The following PRSS55 variants were observed in gnomAD, a reference collection of about 807,000 sequenced individuals.
PRSS55 encodes probable serine protease UNQ9391/PRO34284.
Under a neutral mutation model 23.6 loss-of-function variants are expected in PRSS55, and 41 were observed. The observed-to-expected ratio is 1.74, with a 90% confidence interval of 1.35 to 2.26. The LOEUF is 2.26. Ranked by LOEUF, PRSS55 falls within the 30% of genes most tolerant of loss-of-function variation. PRSS55 has a pLI of 0.00. For synonymous variants in PRSS55, 262 were observed against 175.5 expected (o/e 1.49, Z -3.90); for missense variants, 669 against 439.1 (o/e 1.52, Z -4.68).
At chr8:10,525,864 C>A in intron 1 of PRSS55, 125 bp downstream of exon 1, 1 of 1,040,782 alleles carries the variant, frequency 9.6e-7, no homozygotes, top group Non-Finnish European at 1.4e-6. Flanking sequence ...TTCTCCAAAC[C>A]ACTTGTCCTT....
At chr8:10,535,386 T>G (rs34682111) in intron 4 of PRSS55, among the ~76,000 whole-genome samples, 20,271 of 152,106 alleles carry the variant, frequency 0.13, 1,679 homozygotes, top group Middle Eastern at 0.24. Flanking sequence ...ACCAATGAAA[T>G]AGGTTAGAGA....
At chr8:10,526,426 C>T (rs1373775734) in intron 1 of PRSS55, among the ~76,000 whole-genome samples, 1 of 152,236 alleles carries the variant, frequency 6.6e-6, no homozygotes, top group East Asian at 1.9e-4. Context: ...CACACCACTT[C>T]TTGCCCAGAA....
At chr8:10,545,241 A>C (rs940493469) in intron 4 of PRSS55, 4 of 148,160 alleles carry the variant, frequency 2.7e-5, no homozygotes, top group Non-Finnish European at 5.9e-5. Context: ...TCTATCACCC[A>C]GGCTGGAGGG....
chr8:10,550,175 G>A (rs1007214501), intron 4 of PRSS55, among the ~76,000 whole-genome samples: 9 of 152,126 alleles, frequency 5.9e-5, no homozygotes, highest in Admixed American at 1.3e-4. Flanking sequence ...CACCCACCTC[G>A]GCTTCCCAAA....
exon 5 of PRSS55, chr8:10,554,024 C>G: frequency 1.3e-6 from 2 of 1,526,026 alleles, no homozygotes; most frequent in East Asian, 4.9e-5. Context: ...CTTTCATCTG[C>G]AAAACTGATG....
chr8:10,531,595 G>A, intron 3 of PRSS55, 50 bp downstream of exon 3: 2 of 1,599,274 alleles, frequency 1.3e-6, no homozygotes, highest in Non-Finnish European at 8.5e-7. Flanking sequence ...GCAATGTGAA[G>A]GAGAGGGGAG....
At chr8:10,545,433 C>G (rs1467700461) in intron 4 of PRSS55, among the ~76,000 whole-genome samples, 1 of 152,148 alleles carries the variant, frequency 6.6e-6, no homozygotes, top group Non-Finnish European at 1.5e-5. Flanking sequence ...TACAGTCAAC[C>G]ACATAACCCA....
In PRSS55 at chr8:10,538,690, C is replaced by G; in HGVS notation, c.956C>G (p.Pro319Arg). 1 of 1,614,196 alleles carries G rather than the reference C, an allele frequency of 6.2e-7. No homozygotes were observed. Among genetic ancestry groups the G allele is most frequent in the Non-Finnish European group, 8.5e-7 (1 of 1,180,016 alleles). ...AGGAGGACTTCTGTCAAACAGAAAC[C>G]TATGGGCTCCCCAGTCTCGGGAGTC... ...EKRRTSVKQK[P>R]MGSPVSGVPE... Residue 319 changes from proline to arginine, a missense_variant, in exon 5 of 5, where the codon CCT (proline) becomes CGT (arginine). Pro to Arg is a moderately radical substitution (Grantham distance 103). Coordinates refer to ENST00000328655, the MANE Select transcript of PRSS55 (RefSeq NM_198464.4).
chr8:10,537,988 A>G (rs552817352), intron 4 of PRSS55, among the ~76,000 whole-genome samples: 118 of 152,296 alleles, frequency 7.7e-4, no homozygotes, highest in African/African-American at 2.7e-3. Context: ...AGGGTCACAC[A>G]TTCTGAAAAG....
chr8:10,542,419 G>GGAAGAA (rs60800512), downstream of PRSS55, among the ~76,000 whole-genome samples: 41 of 133,526 alleles, frequency 3.1e-4, no homozygotes, highest in East Asian at 1.5e-3. Context: ...CCATGCGGGG[G>GGAAGAA]AAAAAAAAAA....
Position 10,525,752 on chromosome 8 carries a change from G to T in PRSS55, c.154+13G>T, listed in dbSNP as rs1007426354. 6.3e-7 allele frequency: 1 copy of T among 1,583,290 alleles called. No individual in the cohort carries two copies. The highest frequency in any genetic ancestry group is 1.8e-5 in the Admixed American group (1 of 55,804). On this transcript the variant is annotated intron_variant, in intron 1 of 4. Coordinates refer to ENST00000328655, the MANE Select transcript of PRSS55 (RefSeq NM_198464.4). ...AGCCCAGTCAGTGGTGAGTACAGGG[G>T]CAGAAGGGGCATGGATGGGGGCTCA...
chr8:10,533,601 T>C (rs866857505), intron 4 of PRSS55, among the ~76,000 whole-genome samples: 2 of 152,202 alleles, frequency 1.3e-5, no homozygotes, highest in East Asian at 1.9e-4. Flanking sequence ...TAAAAAATTA[T>C]TGATAGCCAG....
chr8:10,543,476 C>CTT (rs57429225), downstream of PRSS55, among the ~76,000 whole-genome samples: 56 of 28,208 alleles, frequency 2.0e-3, 1 homozygote, highest in African/African-American at 3.7e-3. Context: ...TTCTTTCTTT[C>CTT]TCTCTTTTTT....
rs1489770688 is a variant in PRSS55 at position 10,531,512 on chromosome 8, T to C, written c.565T>C (p.Cys189Arg). ...TQPGPATWRE[C>R]WVAGWGQTNA... is the part of the protein sequence containing the mutation. ...GCCCGGCCCTGCCACATGGCGCGAA[T>C]GCTGGGTGGCAGGTTGGGGCCAGAC... Residue 189 changes from cysteine (C) to arginine (R), a missense_variant, in exon 3 of 5, where the codon TGC (cysteine) becomes CGC (arginine). Transcript: ENST00000328655. 2 of 1,613,794 alleles carry C rather than the reference T, an allele frequency of 1.2e-6. No homozygotes were observed. Among genetic ancestry groups the C allele is most frequent in the East Asian group, 2.2e-5 (1 of 44,894 alleles).
In PRSS55 at chr8:10,532,969, A is replaced by C. The variant is rs569776917; in HGVS notation, c.662A>C (p.Glu221Ala). 1 of 1,614,120 alleles carries C rather than the reference A, an allele frequency of 6.2e-7. No homozygotes were observed. The highest frequency in any genetic ancestry group is 1.3e-5 in the African/African-American group (1 of 75,020). ...KAPMVIMDWE[E>A]CSKMFPKLTK... ...CCAATGGTCATCATGGACTGGGAGG[A>C]GTGTTCAAAGATGTTTCCAAAACTT... is the stretch of plus-strand genomic sequence containing the variant. The change falls in exon 4 of 5, where the codon GAG becomes GCG. Residue 221 changes from glutamate to alanine, a missense_variant. Transcript: ENST00000328655.
chr8:10,547,078 C>T (rs1585894726), intron 4 of PRSS55, among the ~76,000 whole-genome samples: 2 of 152,192 alleles, frequency 1.3e-5, no homozygotes, highest in East Asian at 3.8e-4. Context: ...TGGAAGACCA[C>T]GCTCTGGCTT....
In PRSS55 at chr8:10,544,997, G is replaced by C. The variant is rs1305357711; in HGVS notation, c.742-8946G>C. 4.1e-6 allele frequency: 4 copies of C among 985,140 alleles called. No homozygotes were observed. In the African/African-American group the frequency reaches 5.2e-5, roughly 13 times the overall value. The allele number at this position is 985,140 out of a possible 1,614,324, so 61.0% of individuals were successfully genotyped here. On this transcript the variant is annotated intron_variant, in intron 4 of 4. Transcript: ENST00000522210. The stretch of plus-strand genomic sequence containing the variant: ...GGACAGAAAACTGACTGTGTGCTCT[G>C]TTGACCCAGCCTCAACAAACAGGAC...
intron 4 of PRSS55, among the ~76,000 whole-genome samples, chr8:10,535,679 A>C (rs6601482): frequency 0.7 from 107,168 of 152,112 alleles, 37,847 homozygotes; most frequent in East Asian, 0.76. Context: ...TTTCATGAGG[A>C]AGTCTCCAAA....
rs762876955 is a variant in PRSS55 at position 10,531,559 on chromosome 8, C to T, written c.598+14C>T. 5.0e-6 allele frequency: 8 copies of T among 1,611,622 alleles called. No homozygotes were observed. The highest frequency in any genetic ancestry group is 1.1e-5 in the South Asian group (1 of 90,938). The stretch of plus-strand genomic sequence containing the variant: ...AGACCAATGCTGGTATGTGACTGCT[C>T]AGCTTCCCCTGGGGAAAAAGCCACT... On this transcript the variant is annotated intron_variant, in intron 3 of 4. Transcript: ENST00000328655.
Sources: allele counts gnomAD v4.1 joint callset (sites outside exome capture counted in the v4.1 genomes callset), GRCh38; gene constraint gnomAD v4.1.1; transcripts MANE v1.5; gene names NCBI Gene and HGNC (gene_info 2026-07-23, HGNC 2026-07-21).